Variants in KSR1 observed in about 807,000 individuals in gnomAD.
KSR1 encodes kinase suppressor of ras.
KSR1 carries 35 observed loss-of-function variants against 92.9 expected under a neutral mutation model. The ratio of observed to expected loss-of-function variants is 0.38; its 90% CI spans 0.29 to 0.50. The LOEUF is 0.50. Ranked by LOEUF, KSR1 falls within the 20% of genes least tolerant of loss-of-function variation. The pLI is 0.94. For missense variants in KSR1, 972 were observed against 1,158.5 expected (o/e 0.84, Z 2.34); for synonymous variants, 467 against 472.6 (o/e 0.99, Z 0.15).
chr17:27,508,455 G>T (rs2069475034), intron 1 of KSR1, among the ~76,000 whole-genome samples: 1 of 152,130 alleles, frequency 6.6e-6, no homozygotes, highest in African/African-American at 2.4e-5. Context: ...TAACATACTA[G>T]CCTGGAGTCC....
chr17:27,597,212 G>A, intron 9 of KSR1, 56 bp from the exon 10 acceptor site: 3 of 1,532,772 alleles, frequency 2.0e-6, no homozygotes, highest in Non-Finnish European at 1.8e-6. Flanking sequence ...TGTGGCTGGT[G>A]GGAGGCAGGT....
At chr17:27,556,634 C>T (rs2071605964) in intron 2 of KSR1, among the ~76,000 whole-genome samples, 1 of 152,226 alleles carries the variant, frequency 6.6e-6, no homozygotes, top group South Asian at 2.1e-4. Flanking sequence ...AGACCCCCAG[C>T]TCATCCCTGT....
At chr17:27,531,964 T>C (rs1045718599) in intron 1 of KSR1, among the ~76,000 whole-genome samples, 1 of 152,210 alleles carries the variant, frequency 6.6e-6, no homozygotes, top group Non-Finnish European at 1.5e-5. Flanking sequence ...CCAGGACTTC[T>C]GCCATCCAGT....
intron 1 of KSR1, among the ~76,000 whole-genome samples, chr17:27,506,900 A>C (rs1166436164): frequency 6.6e-6 from 1 of 151,974 alleles, no homozygotes. Context: ...GGTAATTCAG[A>C]GAGAAGAGCC....
chr17:27,620,537 G>A (rs901765054), intron 19 of KSR1, among the ~76,000 whole-genome samples: 3 of 152,182 alleles, frequency 2.0e-5, no homozygotes, highest in Non-Finnish European at 4.4e-5. Flanking sequence ...ACCATGCCAA[G>A]TGCTGTGATA....
chr17:27,466,835 C>T (rs2019723377), intron 1 of KSR1, among the ~76,000 whole-genome samples: 1 of 152,338 alleles, frequency 6.6e-6, no homozygotes, highest in African/African-American at 2.4e-5. Flanking sequence ...AGTCGAGGCT[C>T]CCACACTGCT....
At chr17:27,551,309 G>A (rs1341309914) in intron 2 of KSR1, among the ~76,000 whole-genome samples, 3 of 152,196 alleles carry the variant, frequency 2.0e-5, no homozygotes, top group Non-Finnish European at 2.9e-5. Flanking sequence ...TACTCGGAGT[G>A]TGTACTGTGC....
chr17:27,619,160 G>A (rs568384449), intron 19 of KSR1, among the ~76,000 whole-genome samples: 21 of 152,276 alleles, frequency 1.4e-4, no homozygotes, highest in African/African-American at 5.1e-4. Context: ...CCCTGTGTAT[G>A]TGTGTCACTG....
intron 1 of KSR1, among the ~76,000 whole-genome samples, chr17:27,499,521 C>T (rs1221516923): frequency 1.3e-5 from 2 of 152,194 alleles, no homozygotes; most frequent in Non-Finnish European, 2.9e-5. Context: ...TTCCAGAAAG[C>T]ATTATTAAAG....
At chr17:27,488,183 A>C (rs751192070) in intron 1 of KSR1, among the ~76,000 whole-genome samples, 13 of 152,374 alleles carry the variant, frequency 8.5e-5, no homozygotes, top group South Asian at 8.3e-4. Context: ...TACATTCAAA[A>C]CATATATAAA....
intron 1 of KSR1, among the ~76,000 whole-genome samples, chr17:27,496,242 C>T (rs1216947273): frequency 6.6e-6 from 1 of 152,144 alleles, no homozygotes; most frequent in Non-Finnish European, 1.5e-5. Flanking sequence ...GCCTCATCTC[C>T]AGCCACCCAG....
rs1291241837 is a variant in KSR1 at position 27,577,697 on chromosome 17, C to T, written c.520+58C>T. 7.2e-7 allele frequency: 1 copy of T among 1,387,144 alleles called. No individual in the cohort carries two copies. Among genetic ancestry groups the T allele is most frequent in the Non-Finnish European group, 9.9e-7 (1 of 1,010,590 alleles). 85.9% of individuals were successfully genotyped at this position (1,387,144 alleles called of 1,614,324 possible). On this transcript the variant is annotated intron_variant, in intron 3 of 20. Transcript: ENST00000644974. This position sits in a 1 kb window ranked among gnomAD's most constrained non-coding sequence, Gnocchi z 4.5. ...GGCCTGGTGCCCTTGGGGCTGTGGCCTTCACTATGGTGGGTGATGGAGCGG... is the reference window on the plus strand; with the variant it reads ...GGCCTGGTGCCCTTGGGGCTGTGGCTTTCACTATGGTGGGTGATGGAGCGG...
Position 27,624,131 on chromosome 17 carries a change from T to C in KSR1, c.*739T>C, listed in dbSNP as rs2151280056. On this transcript the variant is annotated 3_prime_UTR_variant, in exon 21 of 21. Transcript: ENST00000644974. The stretch of plus-strand genomic sequence containing the variant: ...CTGCTGCAAGGTGAGGAAACATCCA[T>C]GGCTTGTACAGATGTGAGTCTTTGA... 1 of 152,922 alleles carries C rather than the reference T, an allele frequency of 6.5e-6. No individual in the cohort carries two copies. The highest frequency in any genetic ancestry group is 2.1e-4 in the South Asian group (1 of 4,842). 9.5% of individuals were successfully genotyped at this position (152,922 alleles called of 1,614,324 possible).
chr17:27,595,202 T>C (rs528651846), intron 9 of KSR1, among the ~76,000 whole-genome samples: 4 of 152,348 alleles, frequency 2.6e-5, no homozygotes, highest in African/African-American at 4.8e-5. Flanking sequence ...CCCAGGGGAA[T>C]TGATGTTTGC....
chr17:27,554,263 A>C (rs549286076), intron 2 of KSR1, among the ~76,000 whole-genome samples: 74 of 152,298 alleles, frequency 4.9e-4, no homozygotes, highest in African/African-American at 1.7e-3. Flanking sequence ...GTAGGATATA[A>C]ATAACTCCCA....
chr17:27,578,620 C>T (rs886931484), intron 3 of KSR1: 1 of 152,256 alleles, frequency 6.6e-6, no homozygotes, highest in Non-Finnish European at 1.5e-5. Flanking sequence ...AACCTTGGGC[C>T]CTGATGGCGA....
At chr17:27,535,706 A>C (rs575481437) in intron 1 of KSR1, among the ~76,000 whole-genome samples, 1 of 152,352 alleles carries the variant, frequency 6.6e-6, no homozygotes, top group East Asian at 1.9e-4. Context: ...CAGCGAAGGA[A>C]GATGGGAAGG....
At chr17:27,601,820 A>T (rs2073569777) in intron 11 of KSR1, 5 of 1,058,822 alleles carry the variant, frequency 4.7e-6, no homozygotes, top group Non-Finnish European at 7.1e-6. Context: ...TGTCTTAGAG[A>T]AGTAGAAACC....
chr17:27,517,998 C>G (rs539778857), intron 1 of KSR1, among the ~76,000 whole-genome samples: 1 of 152,176 alleles, frequency 6.6e-6, no homozygotes, highest in Non-Finnish European at 1.5e-5. Flanking sequence ...TGCTGTATGC[C>G]ACCACATGAG....
Sources: allele counts gnomAD v4.1 joint callset (sites outside exome capture counted in the v4.1 genomes callset), GRCh38; gene constraint gnomAD v4.1.1; non-coding constraint Gnocchi (gnomAD v3.1); transcripts MANE v1.5; gene names NCBI Gene and HGNC (gene_info 2026-07-23, HGNC 2026-07-21).